The following SNX8 variants were observed in gnomAD, a reference collection of about 807,000 sequenced individuals.
The protein encoded by SNX8 is sorting nexin 8.
In SNX8, 25 loss-of-function variants were observed where a neutral mutation model predicts 51.6. The observed-to-expected ratio is 0.48, with a 90% confidence interval of 0.35 to 0.68. SNX8 has a LOEUF of 0.68. SNX8 is among the 30% of genes least tolerant of loss of function. The pLI is 0.00. For synonymous variants in SNX8, 324 were observed against 277.0 expected, an observed-to-expected ratio of 1.17 and a Z score of -1.68; for missense variants, 695 against 624.0, an observed-to-expected ratio of 1.11 and a Z score of -1.21.
intron 1 of SNX8, among the ~76,000 whole-genome samples, chr7:2,287,545 C>A (rs923108607): frequency 6.6e-6 from 1 of 150,806 alleles, no homozygotes; most frequent in African/African-American, 2.4e-5. Flanking sequence ...CGCCATTGCA[C>A]TCCAGCCTGG....
At chr7:2,331,184 C>CAAAAA (rs71023397) in intron 1 of SNX8, among the ~76,000 whole-genome samples, 36 of 75,348 alleles carry the variant, frequency 4.8e-4, no homozygotes, top group South Asian at 1.0e-3. Flanking sequence ...GACTCTGTCT[C>CAAAAA]AAAAAAAAAA....
At chr7:2,314,575 C>A, upstream of SNX8, 1 of 710,556 alleles carries the variant, frequency 1.4e-6, no homozygotes, top group Non-Finnish European at 1.8e-6. Context: ...CCGCGCTCCT[C>A]GCCCGGCCTC....
intron 6 of SNX8, among the ~76,000 whole-genome samples, 199 bp downstream of exon 6, chr7:2,264,099 C>T (rs964460668): frequency 3.1e-4 from 47 of 152,174 alleles, no homozygotes; most frequent in Non-Finnish European, 5.6e-4. Flanking sequence ...CTCAGAAATC[C>T]GTGTTTCAGG....
At chr7:2,317,251 C>CTTTTTTTTTTTTT (rs780593342), upstream of SNX8, among the ~76,000 whole-genome samples, 2 of 43,118 alleles carry the variant, frequency 4.6e-5, no homozygotes, top group African/African-American at 1.6e-4. Context: ...CCTGGACCTT[C>CTTTTTTTTTTTTT]TTTTTTTTTT....
intron 1 of SNX8, among the ~76,000 whole-genome samples, chr7:2,302,496 G>C (rs1185147050): frequency 2.0e-5 from 3 of 152,222 alleles, no homozygotes; most frequent in Non-Finnish European, 4.4e-5. Flanking sequence ...CCAAAGTGCC[G>C]AGATTGCAGC....
chr7:2,319,024 A>G (rs1230548175), upstream of SNX8, among the ~76,000 whole-genome samples: 1 of 151,646 alleles, frequency 6.6e-6, no homozygotes, highest in Admixed American at 6.6e-5. Context: ...TAAAAAATAA[A>G]AATAAAATTG....
At chr7:2,343,234 A>C (rs1482221972) in intron 1 of SNX8, among the ~76,000 whole-genome samples, 1 of 151,930 alleles carries the variant, frequency 6.6e-6, no homozygotes, top group Non-Finnish European at 1.5e-5. Context: ...CCTGGCCTTG[A>C]TAATTTTAAA....
intron 1 of SNX8, among the ~76,000 whole-genome samples, chr7:2,311,828 T>C (rs1405360822): frequency 2.6e-5 from 4 of 151,316 alleles, no homozygotes; most frequent in African/African-American, 4.9e-5. Flanking sequence ...TCCCAGCTAC[T>C]CGGGAGGCTG....
chr7:2,257,818 G>T lies in SNX8; in HGVS notation c.916-15C>A. 2 of 1,612,968 alleles carry T rather than the reference G, an allele frequency of 1.2e-6. No individual in the cohort carries two copies. The highest frequency in any genetic ancestry group is 1.7e-6 in the Non-Finnish European group (2 of 1,179,174). The stretch of plus-strand genomic sequence containing the variant: ...TCCTGCTTACCCTGGAAGGCGAGGG[G>T]GAGCTCACCCACGCGGACGCACATA... On this transcript the variant is annotated splice_polypyrimidine_tract_variant and intron_variant, in intron 7 of 10. Transcript: ENST00000222990.
chr7:2,347,673 T>A (rs1197884897), intron 1 of SNX8, among the ~76,000 whole-genome samples: 4 of 148,018 alleles, frequency 2.7e-5, no homozygotes, highest in African/African-American at 1.0e-4. Flanking sequence ...TGAGATGGAG[T>A]CTTGCTCTGT....
At position 2,299,309 on chromosome 7, in the gene SNX8, G is replaced by A. The variant is rs115484092; in HGVS notation, c.94+15019C>T. 3.4e-3 allele frequency: 518 copies of A among 152,132 alleles called. 5 individuals are homozygous for A. The highest frequency in any genetic ancestry group is 0.012 in the African/African-American group (502 of 41,500). 9.4% of individuals were successfully genotyped at this position (152,132 alleles called of 1,614,324 possible). On this transcript the variant is annotated intron_variant, in intron 1 of 10. Coordinates refer to ENST00000222990, the MANE Select transcript of SNX8 (RefSeq NM_013321.4). ...GGAAAAAAAAAATCACTGGTTCCAC[G>A]TCACAAAACTGAAGTGTGGTGCTGG...
chr7:2,316,714 C>T (rs1009616609), upstream of SNX8, among the ~76,000 whole-genome samples: 8 of 151,732 alleles, frequency 5.3e-5, no homozygotes, highest in East Asian at 9.7e-4. Context: ...TGCAACCACT[C>T]ACTCACTCAC....
chr7:2,340,342 G>A (rs1399226152), intron 1 of SNX8, among the ~76,000 whole-genome samples: 1 of 151,662 alleles, frequency 6.6e-6, no homozygotes, highest in African/African-American at 2.4e-5. Context: ...AAAGTGCTGG[G>A]ATTACAGGCG....
Position 2,275,232 on chromosome 7 carries a change from G to C in SNX8, c.301-3C>G, listed in dbSNP as rs199932461. 1 of 1,597,940 alleles carries C rather than the reference G, an allele frequency of 6.3e-7. No individual in the cohort carries two copies. Among genetic ancestry groups the C allele is most frequent in the Non-Finnish European group, 8.6e-7 (1 of 1,165,338 alleles). On this transcript the variant is annotated splice_region_variant and splice_polypyrimidine_tract_variant and intron_variant, in intron 2 of 10. Transcript: ENST00000222990. ...CTGTATACCGAGGACTTGAAGCGCT[G>C]CAAGAGAAGGGTCGGTGCTTAGATC...
chr7:2,281,122 A>G (rs776972670), intron 1 of SNX8, among the ~76,000 whole-genome samples: 1 of 152,004 alleles, frequency 6.6e-6, no homozygotes, highest in Non-Finnish European at 1.5e-5. Context: ...ATAAATTTTA[A>G]TTAAGAAAAA....
At chr7:2,345,658 C>T (rs906664684) in intron 1 of SNX8, among the ~76,000 whole-genome samples, 9 of 146,588 alleles carry the variant, frequency 6.1e-5, no homozygotes, top group Non-Finnish European at 1.2e-4. Flanking sequence ...CTAGCCTGGG[C>T]GAGACAGAGT....
intron 1 of SNX8, among the ~76,000 whole-genome samples, chr7:2,312,190 C>A (rs533250614): frequency 1.3e-5 from 2 of 152,250 alleles, no homozygotes; most frequent in East Asian, 1.9e-4. Context: ...CCAGGCCACA[C>A]CAAAGGGAGG....
rs1391635090 is a variant in SNX8, at chr7:2,252,329, A to C, written c.*2727T>G. On this transcript the variant is annotated 3_prime_UTR_variant, in exon 11 of 11. Transcript: ENST00000222990. ...GGGGGAACCCCGCTCTCCCTCCGGC[A>C]TGGGGCCTCCACCTGCAGCAGTAAG... is the stretch of plus-strand genomic sequence containing the variant. The C allele has an allele frequency of 6.6e-6, 1 of 152,502 alleles. No homozygotes were observed. Among genetic ancestry groups the C allele is most frequent in the Non-Finnish European group, 1.5e-5 (1 of 68,274 alleles). 9.4% of individuals were successfully genotyped at this position (152,502 alleles called of 1,614,324 possible). A position where few individuals can be genotyped will look rare whatever the true frequency, so the allele number is the denominator to read the frequency against.
intron 1 of SNX8, among the ~76,000 whole-genome samples, chr7:2,308,694 T>C (rs934826717): frequency 5.0e-5 from 7 of 140,660 alleles, no homozygotes; most frequent in African/African-American, 1.9e-4. Flanking sequence ...AAAAGGGTCA[T>C]GGAAGGGAGC....
Sources: allele counts gnomAD v4.1 joint callset (sites outside exome capture counted in the v4.1 genomes callset), GRCh38; gene constraint gnomAD v4.1.1; transcripts MANE v1.5; gene names NCBI Gene and HGNC (gene_info 2026-07-23, HGNC 2026-07-21).